Variants in UNC5D observed in about 807,000 individuals in gnomAD.
The protein encoded by UNC5D is netrin receptor UNC5D.
Under a neutral mutation model 105.4 loss-of-function variants are expected in UNC5D, and 39 were observed. The observed-to-expected ratio is 0.37, with a 90% CI of 0.29 to 0.48. The LOEUF is 0.48. Among genes scored for constraint, UNC5D ranks in the 20% least tolerant of loss-of-function variants. The pLI, the probability that UNC5D is intolerant of heterozygous loss-of-function variation, is 0.98. For synonymous variants in UNC5D, 452 were observed against 450.4 expected (o/e 1.00, Z -0.04); for missense variants, 991 against 1,202.4 (o/e 0.82, Z 2.60).
At chr8:35,541,902 G>A (rs911718083) in intron 1 of UNC5D, among the ~76,000 whole-genome samples, 2 of 152,162 alleles carry the variant, frequency 1.3e-5, no homozygotes, top group African/African-American at 2.4e-5. Context: ...AATAATGAAC[G>A]TGCTTTTGTA....
intron 3 of UNC5D, among the ~76,000 whole-genome samples, chr8:35,569,788 T>G (rs992791051): frequency 3.3e-5 from 5 of 152,344 alleles, no homozygotes; most frequent in Admixed American, 2.0e-4. Context: ...GGCATCTGAC[T>G]TGAGTCAAGA....
intron 4 of UNC5D, among the ~76,000 whole-genome samples, chr8:35,636,641 T>C (rs894007958): frequency 6.6e-6 from 1 of 152,114 alleles, no homozygotes; most frequent in Non-Finnish European, 1.5e-5. Flanking sequence ...GGCCCTGTCT[T>C]CCCCAGTGAG....
chr8:35,637,345 T>C (rs1396822381), intron 4 of UNC5D, among the ~76,000 whole-genome samples: 1 of 152,198 alleles, frequency 6.6e-6, no homozygotes, highest in African/African-American at 2.4e-5. Flanking sequence ...TTAGGTTTCA[T>C]GTGGAAGCTA....
chr8:35,254,648 A>G (rs991714708), intron 1 of UNC5D: 12 of 152,176 alleles, frequency 7.9e-5, no homozygotes, highest in African/African-American at 2.9e-4. Flanking sequence ...GTTCAGGAGA[A>G]CTGCTTTCAT....
intron 4 of UNC5D, among the ~76,000 whole-genome samples, chr8:35,664,152 TAACTC>T (rs1465160085): frequency 1.3e-5 from 2 of 152,200 alleles, no homozygotes; most frequent in Non-Finnish European, 2.9e-5. Context: ...AGTTTCATCT[TAACTC>T]AAGAACTGCA....
In UNC5D at chr8:35,456,782, C is replaced by T. The variant is rs1028381616; in HGVS notation, c.104-92510C>T. Reference sequence around the variant, plus strand: ...GTGCCTCACTGCATTACATGGGAATCTGGGCCTTAACGCTGCATTCCTTAG... The same window carrying T: ...GTGCCTCACTGCATTACATGGGAATTTGGGCCTTAACGCTGCATTCCTTAG... On this transcript the variant is annotated intron_variant, in intron 1 of 16. Coordinates refer to ENST00000404895, the MANE Select transcript of UNC5D (RefSeq NM_080872.4). 6.6e-5 allele frequency among the ~76,000 whole-genome samples: 10 copies of T among 152,254 alleles called. No individual in the cohort carries two copies. The East Asian group carries it at 1.9e-3, about 29-fold the overall frequency.
chr8:35,282,538 C>CAT (rs1481472327), intron 1 of UNC5D, among the ~76,000 whole-genome samples: 1 of 152,022 alleles, frequency 6.6e-6, no homozygotes, highest in Non-Finnish European at 1.5e-5. Context: ...TTTTGTCCCG[C>CAT]ATATATGACT....
intron 3 of UNC5D, among the ~76,000 whole-genome samples, chr8:35,576,575 G>A (rs1818101494): frequency 6.6e-6 from 1 of 152,162 alleles, no homozygotes; most frequent in African/African-American, 2.4e-5. Context: ...CATTCAATAA[G>A]TAGGTGAGAT....
rs1408336723 is a variant in UNC5D, at chr8:35,686,402, A to G, written c.920-143A>G. 9.1e-6 allele frequency: 8 copies of G among 875,622 alleles called. No homozygotes were observed. In the East Asian group the frequency reaches 2.6e-4, roughly 29 times the overall value. The allele number at this position is 875,622 out of a possible 1,614,324, so 54.2% of individuals were successfully genotyped here. A position where few individuals can be genotyped will look rare whatever the true frequency, so the allele number is the denominator to read the frequency against. On this transcript the variant is annotated intron_variant, in intron 6 of 16. Coordinates refer to ENST00000404895, the MANE Select transcript of UNC5D (RefSeq NM_080872.4). Reference sequence around the variant, plus strand: ...TCTTCAGGAAAGAAACCATGGAGAGAAGATAAGTGGATATGTTCTTTTGTT... The same window carrying G: ...TCTTCAGGAAAGAAACCATGGAGAGGAGATAAGTGGATATGTTCTTTTGTT...
chr8:35,555,085 C>T (rs1170497161), intron 2 of UNC5D, among the ~76,000 whole-genome samples: 2 of 152,178 alleles, frequency 1.3e-5, no homozygotes, highest in African/African-American at 4.8e-5. Context: ...CAATGATTCA[C>T]AAATCACTAA....
At chr8:35,440,595 G>T (rs1033059320) in intron 1 of UNC5D, among the ~76,000 whole-genome samples, 1 of 151,918 alleles carries the variant, frequency 6.6e-6, no homozygotes, top group Admixed American at 6.6e-5. Context: ...TAACTAGCAT[G>T]CTAAATTAAG....
chr8:35,535,099 C>G lies in UNC5D; in HGVS notation c.104-14193C>G, dbSNP rs552681050. 3.3e-5 allele frequency among the ~76,000 whole-genome samples: 5 copies of G among 152,212 alleles called. No homozygotes were observed. The South Asian group carries it at 1.0e-3, about 32-fold the overall frequency. ...ACAGGTCATTACCCATCTCCTGACC[C>G]AGACCCTGGGTGCCAACAAAATTAA... On this transcript the variant is annotated intron_variant, in intron 1 of 16. Coordinates refer to ENST00000404895, the MANE Select transcript of UNC5D (RefSeq NM_080872.4).
chr8:35,587,359 G>A (rs1189252454), intron 3 of UNC5D, among the ~76,000 whole-genome samples: 1 of 152,152 alleles, frequency 6.6e-6, no homozygotes, highest in Non-Finnish European at 1.5e-5. Context: ...TCATTGCAGA[G>A]TCTATTGCAC....
chr8:35,497,877 C>G lies in UNC5D; in HGVS notation c.104-51415C>G, dbSNP rs372846893. ...CTGAGGTCAGGAGTTTGAGACCAGC[C>G]TGACCAACATGGAGAAACCCCGTCT... is the stretch of plus-strand genomic sequence containing the variant. On this transcript the variant is annotated intron_variant, in intron 1 of 16. Coordinates refer to ENST00000404895, the MANE Select transcript of UNC5D (RefSeq NM_080872.4). 4.6e-5 allele frequency among the ~76,000 whole-genome samples: 7 copies of G among 151,730 alleles called. No individual in the cohort carries two copies. In the East Asian group the frequency reaches 1.4e-3, roughly 29 times the overall value.
At chr8:35,337,892 C>G (rs1481539090) in intron 1 of UNC5D, among the ~76,000 whole-genome samples, 2 of 152,170 alleles carry the variant, frequency 1.3e-5, no homozygotes, top group African/African-American at 4.8e-5. Flanking sequence ...GACATTATTT[C>G]ACTTCTGCAT....
chr8:35,731,396 C>T (rs1036503202), intron 11 of UNC5D, among the ~76,000 whole-genome samples: 43 of 77,122 alleles, frequency 5.6e-4, no homozygotes, highest in African/African-American at 2.5e-3. Flanking sequence ...GAGACTCTGT[C>T]TCCAAAAAAA....
intron 2 of UNC5D, among the ~76,000 whole-genome samples, chr8:35,553,927 T>A (rs1816347069): frequency 6.6e-6 from 1 of 152,184 alleles, no homozygotes; most frequent in Non-Finnish European, 1.5e-5. Context: ...GGACCACATT[T>A]GACCAGAGAG....
At chr8:35,294,243 T>C (rs936880535) in intron 1 of UNC5D, among the ~76,000 whole-genome samples, 1 of 152,190 alleles carries the variant, frequency 6.6e-6, no homozygotes, top group African/African-American at 2.4e-5. Flanking sequence ...CTGCCTTAAG[T>C]CCTGGTAATT....
At chr8:35,257,258 C>T (rs910316027) in intron 1 of UNC5D, among the ~76,000 whole-genome samples, 5 of 152,094 alleles carry the variant, frequency 3.3e-5, no homozygotes, top group Non-Finnish European at 5.9e-5. Context: ...CGTCAGCCAA[C>T]GCGCCCAGCC....
Sources: gnomAD v4.1 joint callset for allele counts (sites outside exome capture counted in the v4.1 genomes callset) on GRCh38, gnomAD v4.1.1 for gene constraint, MANE v1.5 for transcripts, NCBI Gene and HGNC (gene_info 2026-07-23, HGNC 2026-07-21) for gene names.